Variants in CCSER1 observed in about 807,000 individuals in gnomAD.
CCSER1 encodes the protein serine-rich coiled-coil domain-containing protein 1.
In CCSER1, 41 loss-of-function variants were observed where a neutral mutation model predicts 82.0. The observed-to-expected ratio is 0.50, with a 90% CI of 0.39 to 0.65. The LOEUF is 0.65. Ranked by LOEUF, CCSER1 falls within the 30% of genes least tolerant of loss-of-function variation. The pLI, the probability that CCSER1 is intolerant of heterozygous loss-of-function variation, is 0.00. For missense variants in CCSER1, 1,119 were observed against 1,064.2 expected, an observed-to-expected ratio of 1.05 and a Z score of -0.72; for synonymous variants, 414 against 383.9, an observed-to-expected ratio of 1.08 and a Z score of -0.92.
chr4:91,009,046 C>T lies in CCSER1; in HGVS notation c.2173-76904C>T, dbSNP rs1354089880. On this transcript the variant is annotated intron_variant, in intron 9 of 10. Transcript: ENST00000509176. ...GCCTGATCGGGAGCGGCAATGGGTG[C>T]CTCCCCGGATCAGGAGCACAGTGGA... Among the ~76,000 whole-genome samples, 3 of 152,164 alleles carry T rather than the reference C, an allele frequency of 2.0e-5. 1 individual carries two copies. Among genetic ancestry groups the T allele is most frequent in the South Asian group, 4.1e-4 (2 of 4,836 alleles).
chr4:90,362,096 C>A (rs976471993), intron 3 of CCSER1, among the ~76,000 whole-genome samples: 2 of 152,138 alleles, frequency 1.3e-5, no homozygotes, highest in Non-Finnish European at 2.9e-5. Context: ...GCTCAGAGAA[C>A]CCAAGCAAAT....
intron 10 of CCSER1, chr4:91,319,671 T>C: frequency 2.2e-6 from 1 of 455,868 alleles, no homozygotes; most frequent in Non-Finnish European, 4.4e-6. Flanking sequence ...TCTGTGATTC[T>C]CCCTTCTCCA....
rs1581520071 is a variant in CCSER1 at position 91,086,106 on chromosome 4, G to T, written c.2217+112G>T. On this transcript the variant is annotated intron_variant, in intron 10 of 10. Coordinates refer to ENST00000509176, the MANE Select transcript of CCSER1 (RefSeq NM_001145065.2). The stretch of plus-strand genomic sequence containing the variant: ...TTACGTTGATAATGGAAATGGAGAT[G>T]CATTGAAGAGAATGTTGTCTGCATA... 1.0e-5 allele frequency: 7 copies of T among 683,966 alleles called. No individual in the cohort carries two copies. The East Asian group carries it at 1.9e-4, about 19-fold the overall frequency. The allele number at this position is 683,966 out of a possible 1,614,324, so 42.4% of individuals were successfully genotyped here.
chr4:91,163,428 CT>C (rs1483820022), intron 10 of CCSER1, among the ~76,000 whole-genome samples: 6 of 151,894 alleles, frequency 4.0e-5, no homozygotes, highest in Admixed American at 1.3e-4. Context: ...GTGGAGAGTT[CT>C]GTAGATGTCT....
At chr4:90,568,717 T>A (rs552930266) in intron 5 of CCSER1, among the ~76,000 whole-genome samples, 1 of 152,182 alleles carries the variant, frequency 6.6e-6, no homozygotes, top group African/African-American at 2.4e-5. Flanking sequence ...TAGGTTTTTT[T>A]AGTTGTTTCA....
chr4:90,604,204 G>A (rs1784351874), intron 5 of CCSER1, among the ~76,000 whole-genome samples: 1 of 152,084 alleles, frequency 6.6e-6, no homozygotes, highest in African/African-American at 2.4e-5. Flanking sequence ...AAACCAGCTG[G>A]GAAAAATTAC....
intron 10 of CCSER1, among the ~76,000 whole-genome samples, chr4:91,545,871 A>G (rs184241290): frequency 6.6e-6 from 1 of 152,262 alleles, no homozygotes; most frequent in African/African-American, 2.4e-5. Context: ...TTTATCTTAG[A>G]AAGAAAACTT....
chr4:91,167,453 G>T (rs757282277), intron 10 of CCSER1, among the ~76,000 whole-genome samples: 4 of 151,790 alleles, frequency 2.6e-5, no homozygotes, highest in Non-Finnish European at 5.9e-5. Flanking sequence ...CAAAGTGCTG[G>T]GATTACAGGC....
At chr4:90,727,542 A>G (rs1185002715) in intron 7 of CCSER1, among the ~76,000 whole-genome samples, 2 of 151,946 alleles carry the variant, frequency 1.3e-5, no homozygotes, top group African/African-American at 4.8e-5. Flanking sequence ...TTCCTATCTC[A>G]TCTGCCTGAC....
At position 90,173,765 on chromosome 4, in the gene CCSER1, G is replaced by A. The variant is rs773091998; in HGVS notation, c.-42+45934G>A. 1.1e-3 allele frequency among the ~76,000 whole-genome samples: 169 copies of A among 152,070 alleles called. 3 individuals carry two copies. Among genetic ancestry groups the A allele is most frequent in the Admixed American group, 1.4e-3 (22 of 15,190 alleles). On this transcript the variant is annotated intron_variant, in intron 1 of 10. Coordinates refer to ENST00000509176, the MANE Select transcript of CCSER1 (RefSeq NM_001145065.2). ...GAAAACAATCATTTTCTCCTGGCTT[G>A]AGAAAACATTTAAGGTCATCTTCAT...
At chr4:91,433,393 G>C (rs776610072) in intron 10 of CCSER1, among the ~76,000 whole-genome samples, 1 of 152,158 alleles carries the variant, frequency 6.6e-6, no homozygotes, top group Non-Finnish European at 1.5e-5. Flanking sequence ...GTCTACAGTA[G>C]TGTACAGTAA....
At chr4:90,910,836 T>G (rs763370665) in intron 8 of CCSER1, among the ~76,000 whole-genome samples, 3 of 152,162 alleles carry the variant, frequency 2.0e-5, no homozygotes, top group Non-Finnish European at 2.9e-5. Flanking sequence ...TCCTGAGGTA[T>G]GGGGACCCAA....
chr4:91,222,122 G>T lies in CCSER1; in HGVS notation c.2217+136128G>T, dbSNP rs1265932347. ...ATATATAAAGAGAGAGAGAGAAAAT[G>T]TGGGGGAGGGAAAGTGTGGCTGCTA... On this transcript the variant is annotated intron_variant, in intron 10 of 10. Coordinates refer to ENST00000509176, the MANE Select transcript of CCSER1 (RefSeq NM_001145065.2). Among the ~76,000 whole-genome samples, 4 of 151,570 alleles carry T rather than the reference G, an allele frequency of 2.6e-5. No individual in the cohort carries two copies. In the South Asian group the frequency reaches 6.3e-4, roughly 24 times the overall value.
At chr4:90,899,893 T>C (rs1273034624) in intron 8 of CCSER1, among the ~76,000 whole-genome samples, 1 of 151,980 alleles carries the variant, frequency 6.6e-6, no homozygotes, top group Non-Finnish European at 1.5e-5. Context: ...ATCAGGGATG[T>C]TGACTTATAG....
intron 10 of CCSER1, among the ~76,000 whole-genome samples, chr4:91,110,166 T>C (rs982429015): frequency 6.6e-6 from 1 of 151,984 alleles, no homozygotes; most frequent in Non-Finnish European, 1.5e-5. Flanking sequence ...GAAATGTAGA[T>C]TTACTTTATA....
chr4:91,593,467 C>CTTTTGTTTTTTTTTTTTTTTTT (rs1764365945), intron 10 of CCSER1, among the ~76,000 whole-genome samples: 1 of 55,020 alleles, frequency 1.8e-5, no homozygotes, highest in Non-Finnish European at 3.3e-5. Context: ...CAACCCCGTG[C>CTTTTGTTTTTTTTTTTTTTTTT]TTTTTTTTTT....
intron 5 of CCSER1, among the ~76,000 whole-genome samples, chr4:90,501,373 T>C (rs1384701952): frequency 2.0e-5 from 3 of 152,224 alleles, no homozygotes. Flanking sequence ...AAAATGAGAC[T>C]GTGTTGATCT....
At chr4:90,639,465 A>G (rs190705003) in intron 6 of CCSER1, among the ~76,000 whole-genome samples, 240 of 152,214 alleles carry the variant, frequency 1.6e-3, no homozygotes, top group African/African-American at 5.4e-3. Context: ...CAACATGTCA[A>G]TTGAATTTCC....
In CCSER1 at chr4:91,595,598, A is replaced by T. The variant is rs556236459; in HGVS notation, c.2218-2974A>T. Among the ~76,000 whole-genome samples, 20 of 152,210 alleles carry T rather than the reference A, an allele frequency of 1.3e-4. No homozygotes were observed. In the East Asian group the frequency reaches 3.9e-3, roughly 30 times the overall value. ...CATTTTATAATCAAGGAGGTCATTA[A>T]ATATTTGTAATAATCCTTTATGAAG... On this transcript the variant is annotated intron_variant, in intron 10 of 10. Coordinates refer to ENST00000509176, the MANE Select transcript of CCSER1 (RefSeq NM_001145065.2).
Sources: allele counts gnomAD v4.1 joint callset (sites outside exome capture counted in the v4.1 genomes callset), GRCh38; gene constraint gnomAD v4.1.1; transcripts MANE v1.5; gene names NCBI Gene and HGNC (gene_info 2026-07-23, HGNC 2026-07-21).